The following MYO18A variants were observed in gnomAD, a reference collection of about 807,000 sequenced individuals.
MYO18A encodes the protein unconventional myosin-XVIIIa.
In MYO18A, 78 loss-of-function variants were observed where a neutral mutation model predicts 235.8. The ratio of observed to expected loss-of-function variants is 0.33; its 90% CI spans 0.28 to 0.40. MYO18A has a LOEUF of 0.40. MYO18A is among the 10% of genes least tolerant of loss of function. The pLI is 1.00. For synonymous variants in MYO18A, 977 were observed against 1,077.8 expected, an observed-to-expected ratio of 0.91 and a Z score of 1.83; for missense variants, 2,215 against 2,699.3, an observed-to-expected ratio of 0.82 and a Z score of 3.98.
intron 11 of MYO18A, 126 bp from the exon 12 acceptor site, chr17:29,115,966 G>A (rs1047182306): frequency 9.6e-7 from 1 of 1,042,848 alleles, no homozygotes; most frequent in Non-Finnish European, 1.4e-6. Context: ...CACCCGATGG[G>A]CTTCAGGCAG....
chr17:29,174,639 A>AC (rs1361446087), intron 1 of MYO18A, among the ~76,000 whole-genome samples: 4 of 152,074 alleles, frequency 2.6e-5, no homozygotes, highest in Admixed American at 1.3e-4. Flanking sequence ...ACATGGTGAA[A>AC]CCCCATCTCC....
chr17:29,116,832 T>C (rs964925157), intron 10 of MYO18A, among the ~76,000 whole-genome samples: 6 of 149,100 alleles, frequency 4.0e-5, no homozygotes, highest in African/African-American at 9.9e-5. Flanking sequence ...CCGCTTGCAG[T>C]TGGGGCTGGG....
At position 29,075,010 on chromosome 17, in the gene MYO18A, G is replaced by A. The variant is rs958186745; in HGVS notation, c.6021-96C>T. 481 of 1,472,900 alleles carry A rather than the reference G, an allele frequency of 3.3e-4. 7 individuals are homozygous for A. In the East Asian group the frequency reaches 0.011, roughly 33 times the overall value. The allele number at this position is 1,472,900 out of a possible 1,614,324, so 91.2% of individuals were successfully genotyped here. ...TGGAGGCCCACAAAGCTGCGTCAGA[G>A]CACTCCCCAAAAGCCAAACATTGTT... On this transcript the variant is annotated intron_variant, in intron 41 of 41. Coordinates refer to ENST00000527372, the MANE Select transcript of MYO18A (RefSeq NM_078471.4).
chr17:29,098,135 G>A lies in MYO18A; in HGVS notation c.3960C>T (p.Leu1320=), dbSNP rs1231481009. 22 of 1,613,718 alleles carry A rather than the reference G, an allele frequency of 1.4e-5. No individual in the cohort carries two copies. Among genetic ancestry groups the A allele is most frequent in the Non-Finnish European group, 1.9e-5 (22 of 1,179,874 alleles). Residue 1320 remains leucine (L), a synonymous_variant, in exon 25 of 42, where the codon CTC becomes CTT. Transcript: ENST00000527372. ...QLLDAETAER[L]RAEKEMKELQ... Reference sequence around the variant, plus strand: ...GTTCCTTCATCTCCTTCTCAGCCCGGAGCCTCTCTGCTGTCTCCGCGTCCA... The same window carrying A: ...GTTCCTTCATCTCCTTCTCAGCCCGAAGCCTCTCTGCTGTCTCCGCGTCCA...
At chr17:29,131,929 C>A (rs1001937048) in intron 2 of MYO18A, among the ~76,000 whole-genome samples, 2 of 152,210 alleles carry the variant, frequency 1.3e-5, no homozygotes, top group Non-Finnish European at 1.5e-5. Flanking sequence ...TGAAGGTTGG[C>A]CCCTACTGGG....
intron 2 of MYO18A, among the ~76,000 whole-genome samples, chr17:29,151,416 C>A (rs548200956): frequency 2.2e-4 from 34 of 152,282 alleles, no homozygotes; most frequent in African/African-American, 8.2e-4. Flanking sequence ...GGTCCCTCTA[C>A]CAATGCCTCC....
Position 29,121,158 on chromosome 17 carries a change from A to G in MYO18A, c.1425T>C (p.Tyr475=), listed in dbSNP as rs1188212300. ...CRREDMAPHI[Y]AVAQTAYRAM... is the part of the protein sequence containing the mutation. ...CCCTGTATGCGGTCTGGGCCACTGC[A>G]TAGATGTGGGGTGCCATGTCCTCCC... is the stretch of plus-strand genomic sequence containing the variant. Residue 475 remains tyrosine, a synonymous_variant, in exon 6 of 42, where the codon TAT becomes TAC. Transcript: ENST00000527372. This position sits in a 1 kb window ranked among gnomAD's most constrained non-coding sequence, Gnocchi z 4.2. 2 of 1,610,800 alleles carry G rather than the reference A, an allele frequency of 1.2e-6. No homozygotes were observed. The highest frequency in any genetic ancestry group is 1.1e-5 in the South Asian group (1 of 90,216).
At chr17:29,113,990 A>C (rs954390422) in intron 15 of MYO18A, 21 bp downstream of exon 15, 2 of 1,569,048 alleles carry the variant, frequency 1.3e-6, no homozygotes, top group African/African-American at 2.7e-5. Context: ...GGCTTGCCCA[A>C]ACCCTCTCTG....
chr17:29,166,593 C>G lies in MYO18A; in HGVS notation c.348G>C (p.Ser116=). 6.2e-7 allele frequency: 1 copy of G among 1,613,738 alleles called. No homozygotes were observed. The highest frequency in any genetic ancestry group is 1.1e-5 in the South Asian group (1 of 91,080). ...LKGEEGSFRG[S]VLQRAAKFGS... ...CGAACTTGGCTGCCCGCTGCAGCAC[C>G]GAGCCACGGAAGCTACCCTCCTCAC... The change falls in exon 2 of 42, where the codon TCG becomes TCC. Residue 116 remains serine, a synonymous_variant. Coordinates refer to ENST00000527372, the MANE Select transcript of MYO18A (RefSeq NM_078471.4).
At position 29,074,195 on chromosome 17, in the gene MYO18A, G is replaced by A. The variant is rs1755601233; in HGVS notation, c.*575C>T. On this transcript the variant is annotated 3_prime_UTR_variant, in exon 42 of 42. Coordinates refer to ENST00000527372, the MANE Select transcript of MYO18A (RefSeq NM_078471.4). The surrounding 1 kb of genome is among the most constrained non-coding windows in gnomAD (Gnocchi z 4.4). ...CTCTCTGAAGGGTGAAGATGGAGAT[G>A]ACATTCCCGAGTCGTTCTTGGGAGC... 1 of 1,595,994 alleles carries A rather than the reference G, an allele frequency of 6.3e-7. No individual in the cohort carries two copies. The highest frequency in any genetic ancestry group is 8.6e-7 in the Non-Finnish European group (1 of 1,168,624).
At chr17:29,095,902 G>A (rs2066508315) in intron 28 of MYO18A, among the ~76,000 whole-genome samples, 1 of 152,188 alleles carries the variant, frequency 6.6e-6, no homozygotes, top group Admixed American at 6.5e-5. Context: ...CAGAAGGGGG[G>A]TCGAGCTAAG....
chr17:29,166,426 A>C lies in MYO18A; in HGVS notation c.515T>G (p.Leu172Arg). Residue 172 changes from leucine (L) to arginine (R), a missense_variant, in exon 2 of 42, where the codon CTA (leucine) becomes CGA (arginine). Transcript: ENST00000527372. ...AGGATGCTGCACCAGCTGTCCCTCT[A>C]GAGTCCTCACCTCCACCTGTGGCGA... is the stretch of plus-strand genomic sequence containing the variant. ...APSPQVEVRT[L>R]EGQLVQHPGP... 1.2e-5 allele frequency: 20 copies of C among 1,613,794 alleles called. No homozygotes were observed. The highest frequency in any genetic ancestry group is 1.6e-5 in the Non-Finnish European group (19 of 1,179,870).
intron 2 of MYO18A, among the ~76,000 whole-genome samples, chr17:29,127,210 G>A (rs1180882953): frequency 3.3e-5 from 5 of 152,082 alleles, no homozygotes; most frequent in East Asian, 1.9e-4. Flanking sequence ...CTATTTTGGC[G>A]GCAAAACCTG....
chr17:29,134,093 GTTTTTATT>G (rs1004487745), intron 2 of MYO18A, among the ~76,000 whole-genome samples: 1 of 152,156 alleles, frequency 6.6e-6, no homozygotes, highest in Non-Finnish European at 1.5e-5. Flanking sequence ...TGTGTGCATT[GTTTTTATT>G]TTTTTATTTT....
At chr17:29,159,428 G>C (rs1161808248) in intron 2 of MYO18A, among the ~76,000 whole-genome samples, 1 of 151,996 alleles carries the variant, frequency 6.6e-6, no homozygotes, top group Admixed American at 6.6e-5. Flanking sequence ...CTGAAGCTTT[G>C]GCACAAAATG....
chr17:29,155,658 G>A (rs1231255445), intron 2 of MYO18A, among the ~76,000 whole-genome samples: 1 of 152,200 alleles, frequency 6.6e-6, no homozygotes, highest in Non-Finnish European at 1.5e-5. Flanking sequence ...AATTCGGCAG[G>A]GCCACCTCCA....
At chr17:29,147,194 G>C (rs28690204) in intron 2 of MYO18A, among the ~76,000 whole-genome samples, 11,903 of 152,232 alleles carry the variant, frequency 0.078, 623 homozygotes, top group South Asian at 0.16. Flanking sequence ...TTTGGAGAGT[G>C]ATGGGGCATG....
intron 19 of MYO18A, chr17:29,107,480 A>T: frequency 2.9e-6 from 1 of 343,714 alleles, no homozygotes; most frequent in Non-Finnish European, 5.5e-6. Flanking sequence ...AGGTATGCAA[A>T]TGGGGGGTTG....
At chr17:29,122,746 C>T (rs377217184) in intron 2 of MYO18A, among the ~76,000 whole-genome samples, 2 of 152,362 alleles carry the variant, frequency 1.3e-5, no homozygotes, top group East Asian at 3.9e-4. Flanking sequence ...GGCATGTCCT[C>T]AGATCTCAGC....
Sources: gnomAD v4.1 joint callset for allele counts (sites outside exome capture counted in the v4.1 genomes callset) on GRCh38, gnomAD v4.1.1 for gene constraint, Gnocchi (gnomAD v3.1) non-coding constraint, MANE v1.5 for transcripts, NCBI Gene and HGNC (gene_info 2026-07-23, HGNC 2026-07-21) for gene names.